Variants in RAB3C observed in about 807,000 individuals in gnomAD.
RAB3C encodes the protein ras-related protein Rab-3C.
RAB3C carries 17 observed loss-of-function variants against 26.4 expected under a neutral mutation model. The observed-to-expected ratio is 0.64, with a 90% CI of 0.44 to 0.97. The LOEUF (loss-of-function observed/expected upper bound fraction) is 0.97, where lower values mean the gene tolerates loss of function less well. Among genes scored for constraint, RAB3C ranks in the 50% least tolerant of loss-of-function variants. The probability of loss-of-function intolerance (pLI) is 0.00; values close to 1 mark genes in which losing one functional copy is unlikely to be tolerated. For synonymous variants in RAB3C, 91 were observed against 95.9 expected (o/e 0.95, Z 0.30); for missense variants, 242 against 281.9 (o/e 0.86, Z 1.01).
chr5:58,715,083 C>A (rs1749140809), intron 2 of RAB3C, among the ~76,000 whole-genome samples: 1 of 151,884 alleles, frequency 6.6e-6, no homozygotes, highest in Admixed American at 6.6e-5. Flanking sequence ...AGTGAGATAA[C>A]CAAAGTCACT....
At chr5:58,822,895 A>G in intron 3 of RAB3C, 1 of 638,618 alleles carries the variant, frequency 1.6e-6, no homozygotes, top group South Asian at 1.4e-5. Context: ...CTGGAGATTA[A>G]TGTGATGTGG....
intron 3 of RAB3C, among the ~76,000 whole-genome samples, chr5:58,744,459 G>C (rs1445411304): frequency 6.6e-6 from 1 of 152,210 alleles, no homozygotes; most frequent in African/African-American, 2.4e-5. Context: ...TTCATCGGCA[G>C]TGTATGACAT....
At chr5:58,786,491 T>C (rs892411010) in intron 3 of RAB3C, among the ~76,000 whole-genome samples, 1 of 152,048 alleles carries the variant, frequency 6.6e-6, no homozygotes, top group Non-Finnish European at 1.5e-5. Context: ...CCTTGGCCTC[T>C]CCTCCCCGCC....
upstream of RAB3C, chr5:58,582,542 C>T (rs994755768): frequency 1.8e-5 from 5 of 280,660 alleles, no homozygotes; most frequent in Non-Finnish European, 2.7e-5. Context: ...TGCGGATAAA[C>T]CACTTTCCTT....
intron 3 of RAB3C, among the ~76,000 whole-genome samples, chr5:58,783,420 A>G (rs1158789524): frequency 2.0e-5 from 3 of 152,188 alleles, no homozygotes; most frequent in Non-Finnish European, 4.4e-5. Flanking sequence ...TAGAACAGAA[A>G]GCTTTTCCTC....
intron 2 of RAB3C, among the ~76,000 whole-genome samples, chr5:58,692,847 C>A (rs1748599056): frequency 6.6e-6 from 1 of 152,074 alleles, no homozygotes; most frequent in Non-Finnish European, 1.5e-5. Flanking sequence ...GTGGCTCACA[C>A]CTGTAATCCC....
chr5:58,620,092 C>A (rs1328662605), intron 2 of RAB3C, among the ~76,000 whole-genome samples: 1 of 151,838 alleles, frequency 6.6e-6, no homozygotes, highest in Non-Finnish European at 1.5e-5. Context: ...AAAAAAAAAA[C>A]CCTTTAAGTC....
intron 3 of RAB3C, among the ~76,000 whole-genome samples, chr5:58,733,557 A>G (rs1316457099): frequency 6.6e-6 from 1 of 152,216 alleles, no homozygotes; most frequent in African/African-American, 2.4e-5. Context: ...GTTTTGGGAA[A>G]GTAAAGGCTA....
chr5:58,855,032 C>A lies in RAB3C; in HGVS notation c.*3681C>A, dbSNP rs1393196258. 1 of 152,164 alleles carries A rather than the reference C, an allele frequency of 6.6e-6. No homozygotes were observed. Among genetic ancestry groups the A allele is most frequent in the Non-Finnish European group, 1.5e-5 (1 of 68,028 alleles). 9.4% of individuals were successfully genotyped at this position (152,164 alleles called of 1,614,324 possible). On this transcript the variant is annotated 3_prime_UTR_variant, in exon 5 of 5. Coordinates refer to ENST00000282878, the MANE Select transcript of RAB3C (RefSeq NM_138453.4). ...AAAGTTAAATACATTCCACTATTAACTGAACTTCCATGAAGCAACATTAAT... is the reference window on the plus strand; with the variant it reads ...AAAGTTAAATACATTCCACTATTAAATGAACTTCCATGAAGCAACATTAAT...
At chr5:58,615,291 T>C (rs561735094) in intron 1 of RAB3C, among the ~76,000 whole-genome samples, 1 of 152,220 alleles carries the variant, frequency 6.6e-6, no homozygotes, top group South Asian at 2.1e-4. Flanking sequence ...AGGAAATATA[T>C]AGTGTCTCTT....
intron 3 of RAB3C, among the ~76,000 whole-genome samples, chr5:58,729,832 A>C (rs1459597037): frequency 6.9e-6 from 1 of 145,632 alleles, no homozygotes; most frequent in East Asian, 2.0e-4. Flanking sequence ...GTATATTTAT[A>C]TTATATATAC....
intron 3 of RAB3C, among the ~76,000 whole-genome samples, chr5:58,767,726 A>G (rs1191737178): frequency 6.6e-6 from 1 of 152,190 alleles, no homozygotes; most frequent in Admixed American, 6.5e-5. Flanking sequence ...CAACGGTCAT[A>G]TTCATATTCA....
At chr5:58,733,861 A>G (rs1741080308) in intron 3 of RAB3C, among the ~76,000 whole-genome samples, 1 of 152,192 alleles carries the variant, frequency 6.6e-6, no homozygotes, top group South Asian at 2.1e-4. Context: ...AACTTGATTT[A>G]AAATCTTCTC....
chr5:58,641,527 A>AT (rs1193277559), intron 2 of RAB3C, among the ~76,000 whole-genome samples: 2 of 152,258 alleles, frequency 1.3e-5, no homozygotes, highest in East Asian at 1.9e-4. Flanking sequence ...TCCATTTCTG[A>AT]TTTTTTCTTT....
intron 3 of RAB3C, among the ~76,000 whole-genome samples, chr5:58,800,104 T>C (rs1400227): frequency 0.55 from 83,260 of 152,060 alleles, 23,291 homozygotes; most frequent in Middle Eastern, 0.66. Context: ...GACTTCCCAG[T>C]GAGTGGTGTT....
At chr5:58,725,293 T>C (rs1311068607) in intron 2 of RAB3C, among the ~76,000 whole-genome samples, 1 of 151,856 alleles carries the variant, frequency 6.6e-6, no homozygotes, top group African/African-American at 2.4e-5. Context: ...AAGCCTGTTG[T>C]CAGACAAATT....
chr5:58,824,305 A>G (rs1743423829), intron 3 of RAB3C, among the ~76,000 whole-genome samples: 1 of 149,584 alleles, frequency 6.7e-6, no homozygotes, highest in Non-Finnish European at 1.5e-5. Flanking sequence ...GAAGCAAATT[A>G]TTACATTTAT....
intron 2 of RAB3C, among the ~76,000 whole-genome samples, chr5:58,662,333 T>A (rs1747921161): frequency 1.3e-5 from 2 of 150,164 alleles, no homozygotes; most frequent in Non-Finnish European, 1.5e-5. Context: ...AAATTATGAT[T>A]GTAGAGTTTT....
At chr5:58,672,274 T>C (rs1182950735) in intron 2 of RAB3C, among the ~76,000 whole-genome samples, 1 of 152,138 alleles carries the variant, frequency 6.6e-6, no homozygotes, top group African/African-American at 2.4e-5. Flanking sequence ...GGTGATCCCC[T>C]GGGGTTAGAC....
Sources: allele counts gnomAD v4.1 joint callset (sites outside exome capture counted in the v4.1 genomes callset), GRCh38; gene constraint gnomAD v4.1.1; transcripts MANE v1.5; gene names NCBI Gene and HGNC (gene_info 2026-07-23, HGNC 2026-07-21).